The following CCN4 variants were observed in gnomAD, a reference collection of about 807,000 sequenced individuals.
CCN4 encodes the protein cellular communication network factor 4, also known as CCN family member 4.
CCN4 carries 30 observed loss-of-function variants against 36.7 expected under a neutral mutation model. That is an observed-to-expected ratio of 0.82 (90% confidence interval 0.61 to 1.11). The LOEUF is 1.11. CCN4 is among the 50% of genes least tolerant of loss of function. CCN4 has a pLI of 0.00. For synonymous variants in CCN4, 191 were observed against 195.4 expected, an observed-to-expected ratio of 0.98 and a Z score of 0.19; for missense variants, 505 against 504.9, an observed-to-expected ratio of 1.00 and a Z score of 0.00.
chr8:133,198,606 C>T (rs892575552), intron 1 of CCN4, among the ~76,000 whole-genome samples: 2 of 152,360 alleles, frequency 1.3e-5, no homozygotes, highest in Non-Finnish European at 2.9e-5. Flanking sequence ...TCTGAAATGC[C>T]TTCCCCATGC....
chr8:133,218,776 A>T (rs1177370460), intron 2 of CCN4, among the ~76,000 whole-genome samples: 2 of 152,148 alleles, frequency 1.3e-5, no homozygotes, highest in Non-Finnish European at 2.9e-5. Flanking sequence ...TATCTGGTCC[A>T]GAAGTCCCCA....
chr8:133,207,769 A>G (rs1489466363), intron 1 of CCN4, among the ~76,000 whole-genome samples: 1 of 152,168 alleles, frequency 6.6e-6, no homozygotes, highest in Non-Finnish European at 1.5e-5. Flanking sequence ...TTGTGCATGC[A>G]GGGGAACAGA....
At chr8:133,222,856 G>A (rs1306592868) in intron 3 of CCN4, among the ~76,000 whole-genome samples, 1 of 151,910 alleles carries the variant, frequency 6.6e-6, no homozygotes, top group South Asian at 2.1e-4. Context: ...TGTGGGGCAG[G>A]TTTCTCAAGC....
chr8:133,195,595 C>G (rs540071257), intron 1 of CCN4, among the ~76,000 whole-genome samples: 1 of 152,218 alleles, frequency 6.6e-6, no homozygotes, highest in South Asian at 2.1e-4. Flanking sequence ...CCCCTCCAGC[C>G]GACAGCTTAT....
chr8:133,220,788 A>G lies in CCN4; in HGVS notation c.557A>G (p.Glu186Gly), dbSNP rs576089183. The G allele has an allele frequency of 5.0e-6, 8 of 1,611,528 alleles. No individual in the cohort carries two copies. The African/African-American group carries it at 6.7e-5, about 13-fold the overall frequency. Residue 186 changes from glutamate to glycine, a missense_variant, in exon 3 of 5, where the codon GAG becomes GGG. Coordinates refer to ENST00000250160, the MANE Select transcript of CCN4 (RefSeq NM_003882.4). ...PGHCCEQWVCEDDAKRPRKTA... is the reference protein window; with the variant it reads ...PGHCCEQWVCGDDAKRPRKTA... ...CACTGCTGTGAGCAGTGGGTATGTGAGGACGACGCCAAGAGGCCACGCAAG... is the reference window on the plus strand; with the variant it reads ...CACTGCTGTGAGCAGTGGGTATGTGGGGACGACGCCAAGAGGCCACGCAAG...
At chr8:133,201,288 C>T (rs1247162166) in intron 1 of CCN4, among the ~76,000 whole-genome samples, 1 of 152,090 alleles carries the variant, frequency 6.6e-6, no homozygotes, top group Admixed American at 6.5e-5. Context: ...AGGATAATCA[C>T]AAGGATTAAA....
chr8:133,218,707 G>T lies in CCN4; in HGVS notation c.350-1874G>T, dbSNP rs1295098465. ...TTGGGTGGCCACTCATGATGTCCGG[G>T]GCTCTTTACCTGCATTTCCAGAAGC... On this transcript the variant is annotated intron_variant, in intron 2 of 4. Transcript: ENST00000250160. 1.1e-4 allele frequency among the ~76,000 whole-genome samples: 17 copies of T among 152,072 alleles called. 1 individual carries two copies. The highest frequency in any genetic ancestry group is 1.1e-3 in the Admixed American group (17 of 15,262).
chr8:133,194,206 A>G (rs1853220527), intron 1 of CCN4, among the ~76,000 whole-genome samples: 1 of 151,896 alleles, frequency 6.6e-6, no homozygotes, highest in Non-Finnish European at 1.5e-5. Context: ...TGGGATGTGC[A>G]TAGCTGCACT....
intron 1 of CCN4, among the ~76,000 whole-genome samples, chr8:133,211,734 G>A (rs141935039): frequency 2.0e-5 from 3 of 152,332 alleles, no homozygotes; most frequent in East Asian, 1.9e-4. Context: ...GAACTCAGCC[G>A]TCAAGGACGA....
intron 1 of CCN4, among the ~76,000 whole-genome samples, chr8:133,193,093 G>A (rs982629774): frequency 6.6e-6 from 1 of 152,174 alleles, no homozygotes; most frequent in African/African-American, 2.4e-5. Context: ...CCCCTGTGTG[G>A]GCTGTGAGAC....
Position 133,227,860 on chromosome 8 carries a change from G to A in CCN4, c.*150G>A. On this transcript the variant is annotated 3_prime_UTR_variant, in exon 5 of 5. Coordinates refer to ENST00000250160, the MANE Select transcript of CCN4 (RefSeq NM_003882.4). ...GTCTCTAACCATTCAAATGACGCCT[G>A]ATGGTGCTGCTCAGGCCCATGCTAT... is the stretch of plus-strand genomic sequence containing the variant. 2 of 846,954 alleles carry A rather than the reference G, an allele frequency of 2.4e-6. No homozygotes were observed. The highest frequency in any genetic ancestry group is 1.8e-6 in the Non-Finnish European group (1 of 560,336). The allele number at this position is 846,954 out of a possible 1,614,324, so 52.5% of individuals were successfully genotyped here.
intron 2 of CCN4, among the ~76,000 whole-genome samples, chr8:133,214,232 A>G: frequency 6.7e-6 from 1 of 148,244 alleles, no homozygotes; most frequent in East Asian, 2.0e-4. Flanking sequence ...CAATTTTTGG[A>G]TAATATATTA....
At chr8:133,191,273 C>T (rs1173336368) in intron 1 of CCN4, 60 bp downstream of exon 1, 3 of 1,540,922 alleles carry the variant, frequency 1.9e-6, no homozygotes, top group Non-Finnish European at 1.8e-6. Flanking sequence ...CTGGGTCCTG[C>T]TACATGGGGG....
In CCN4 at chr8:133,230,276, C is replaced by G. The variant is rs1177835925; in HGVS notation, c.*2566C>G. Reference sequence around the variant, plus strand: ...CAATGTAATGAAGCGCTTTCTAAGTCAGAATTTCCCTGCAATGGTGTGGCC... The same window carrying G: ...CAATGTAATGAAGCGCTTTCTAAGTGAGAATTTCCCTGCAATGGTGTGGCC... On this transcript the variant is annotated 3_prime_UTR_variant, in exon 5 of 5. Transcript: ENST00000250160. 1.2e-4 allele frequency: 18 copies of G among 152,198 alleles called. No homozygotes were observed. The highest frequency in any genetic ancestry group is 2.6e-4 in the Non-Finnish European group (18 of 68,040). The allele number at this position is 152,198 out of a possible 1,614,324, so 9.4% of individuals were successfully genotyped here.
intron 1 of CCN4, among the ~76,000 whole-genome samples, chr8:133,205,522 T>A (rs1171957480): frequency 2.0e-5 from 3 of 152,186 alleles, no homozygotes; most frequent in African/African-American, 2.4e-5. Context: ...ATTTTCTCCA[T>A]CTGCAGAACA....
intron 1 of CCN4, 47 bp downstream of exon 1, chr8:133,191,260 C>T (rs1853098908): frequency 6.4e-7 from 1 of 1,567,872 alleles, no homozygotes. Context: ...GCTCCCTTCT[C>T]TACTGGGTCC....
intron 1 of CCN4, among the ~76,000 whole-genome samples, chr8:133,206,711 T>A (rs1206283941): frequency 6.6e-6 from 1 of 152,094 alleles, no homozygotes; most frequent in Non-Finnish European, 1.5e-5. Flanking sequence ...ATGAGCTGCC[T>A]CAGCCTGCCT....
chr8:133,224,842 G>C (rs1423333284), intron 3 of CCN4, among the ~76,000 whole-genome samples: 1 of 151,818 alleles, frequency 6.6e-6, no homozygotes, highest in African/African-American at 2.4e-5. Flanking sequence ...GCTGAGGCAG[G>C]AGAATAACTT....
rs1854494494 is a variant in CCN4 at position 133,220,772 on chromosome 8, G to A, written c.541G>A (p.Glu181Lys). The A allele has an allele frequency of 3.7e-6, 6 of 1,613,242 alleles. No homozygotes were observed. In the East Asian group the frequency reaches 1.3e-4, roughly 36 times the overall value. The part of the protein sequence containing the change: ...RRVSIPGHCC[E>K]QWVCEDDAKR... ...CGTGAGCATACCTGGCCACTGCTGTGAGCAGTGGGTATGTGAGGACGACGC... is the reference window on the plus strand; with the variant it reads ...CGTGAGCATACCTGGCCACTGCTGTAAGCAGTGGGTATGTGAGGACGACGC... The change falls in exon 3 of 5, where the codon GAG becomes AAG. Residue 181 changes from glutamate to lysine, a missense_variant. Coordinates refer to ENST00000250160, the MANE Select transcript of CCN4 (RefSeq NM_003882.4).
Sources: gnomAD v4.1 joint callset for allele counts (sites outside exome capture counted in the v4.1 genomes callset) on GRCh38, gnomAD v4.1.1 for gene constraint, MANE v1.5 for transcripts, NCBI Gene and HGNC (gene_info 2026-07-23, HGNC 2026-07-21) for gene names.